The following TMED3 variants were observed in gnomAD, a reference collection of about 807,000 sequenced individuals.
TMED3 encodes transmembrane p24 trafficking protein 3, also known as transmembrane emp24 domain-containing protein 3.
TMED3 carries 9 observed loss-of-function variants against 15.0 expected under a neutral mutation model. The observed-to-expected ratio is 0.60, with a 90% confidence interval of 0.36 to 1.04. The LOEUF (loss-of-function observed/expected upper bound fraction) is 1.04. Among genes scored for constraint, TMED3 ranks in the 50% least tolerant of loss-of-function variants. TMED3 has a pLI of 0.01. For synonymous variants in TMED3, 117 were observed against 121.4 expected (o/e 0.96, Z 0.24); for missense variants, 267 against 278.9 (o/e 0.96, Z 0.30).
chr15:79,348,725 T>A (rs561602965), intron 2 of TMED3, among the ~76,000 whole-genome samples: 1 of 152,358 alleles, frequency 6.6e-6, no homozygotes, highest in Admixed American at 6.5e-5. Context: ...TTGAGGAACC[T>A]TTAAAATGGA....
intron 1 of TMED3, among the ~76,000 whole-genome samples, chr15:79,311,668 C>G (rs2058715160): frequency 6.6e-6 from 1 of 152,158 alleles, no homozygotes; most frequent in African/African-American, 2.4e-5. Context: ...GATGGGGACG[C>G]CAGGGCGGAT....
chr15:79,324,142 C>T (rs572159801), downstream of TMED3, among the ~76,000 whole-genome samples: 18 of 152,250 alleles, frequency 1.2e-4, no homozygotes, highest in Admixed American at 9.8e-4. Context: ...AGGCACCCGC[C>T]ACCACGCCCG....
At chr15:79,316,772 G>A (rs147392590) in intron 2 of TMED3, among the ~76,000 whole-genome samples, 7 of 152,256 alleles carry the variant, frequency 4.6e-5, no homozygotes, top group Non-Finnish European at 7.4e-5. Flanking sequence ...TTAGCAGGGC[G>A]GAAGGTCACA....
At chr15:79,330,610 A>G (rs1372642053) in intron 2 of TMED3, among the ~76,000 whole-genome samples, 1 of 152,186 alleles carries the variant, frequency 6.6e-6, no homozygotes, top group African/African-American at 2.4e-5. Context: ...ATACTACCCA[A>G]AGCAATCTGT....
chr15:79,341,650 C>A (rs1595893714), intron 2 of TMED3, among the ~76,000 whole-genome samples: 1 of 152,264 alleles, frequency 6.6e-6, no homozygotes, highest in East Asian at 1.9e-4. Flanking sequence ...TTCGTTTATT[C>A]CCCTTCCCTG....
At chr15:79,376,866 C>T (rs925945637) in intron 2 of TMED3, among the ~76,000 whole-genome samples, 7 of 152,128 alleles carry the variant, frequency 4.6e-5, no homozygotes, top group Non-Finnish European at 8.8e-5. Context: ...TTTTTGCAGA[C>T]CTCCAAGACT....
chr15:79,350,512 G>A (rs2058887727), intron 2 of TMED3, among the ~76,000 whole-genome samples: 1 of 152,144 alleles, frequency 6.6e-6, no homozygotes, highest in Non-Finnish European at 1.5e-5. Context: ...TTGAGGGCAG[G>A]AAGCATCCAG....
At chr15:79,321,877 A>G (rs915665893) in intron 2 of TMED3, 101 bp from the exon 3 acceptor site, 5 of 1,371,198 alleles carry the variant, frequency 3.6e-6, no homozygotes, top group East Asian at 2.3e-5. Context: ...GTTAGCATTC[A>G]GTGGATATCA....
intron 2 of TMED3, among the ~76,000 whole-genome samples, chr15:79,337,058 A>G (rs868213417): frequency 2.6e-4 from 39 of 152,344 alleles, no homozygotes; most frequent in African/African-American, 8.9e-4. Flanking sequence ...TATTGGATCT[A>G]TCTGCTTTAG....
At chr15:79,409,221 G>C (rs1893940083) in intron 2 of TMED3, among the ~76,000 whole-genome samples, 1 of 152,246 alleles carries the variant, frequency 6.6e-6, no homozygotes, top group African/African-American at 2.4e-5. Context: ...TTTTCTTGAT[G>C]AGCAAAGGTT....
chr15:79,317,999 G>GAGGGCCTCCCCTC (rs1346273542), intron 2 of TMED3, among the ~76,000 whole-genome samples: 1 of 152,148 alleles, frequency 6.6e-6, no homozygotes, highest in Non-Finnish European at 1.5e-5. Context: ...CCTTTACTGT[G>GAGGGCCTCCCCTC]AGCTTCCACC....
intron 2 of TMED3, among the ~76,000 whole-genome samples, chr15:79,332,890 ACCT>A (rs144796781): frequency 0.013 from 1,930 of 152,100 alleles, 16 homozygotes; most frequent in Non-Finnish European, 0.019. Context: ...TTTCAGGCTC[ACCT>A]CCTCTCCAGC....
intron 2 of TMED3, chr15:79,383,183 G>A (rs1005194143): frequency 2.0e-5 from 13 of 665,982 alleles, no homozygotes; most frequent in Middle Eastern, 3.0e-4. Flanking sequence ...TATTGCTTAC[G>A]TGGTAATCAG....
intron 2 of TMED3, among the ~76,000 whole-genome samples, chr15:79,409,045 G>A (rs1893937482): frequency 6.6e-6 from 1 of 152,298 alleles, no homozygotes; most frequent in East Asian, 1.9e-4. Context: ...TTCCATGATT[G>A]CTTTTCTGAA....
At chr15:79,343,818 A>G (rs112481408) in intron 2 of TMED3, among the ~76,000 whole-genome samples, 10 of 152,316 alleles carry the variant, frequency 6.6e-5, no homozygotes, top group African/African-American at 2.2e-4. Flanking sequence ...AGGTAGTCTC[A>G]TTTACTGAGA....
intron 2 of TMED3, among the ~76,000 whole-genome samples, chr15:79,316,459 T>C (rs1260054110): frequency 6.6e-6 from 1 of 152,208 alleles, no homozygotes; most frequent in Non-Finnish European, 1.5e-5. Flanking sequence ...TCTTAAGTGC[T>C]CTGATGCCAG....
At chr15:79,318,863 G>A (rs747650412) in intron 2 of TMED3, among the ~76,000 whole-genome samples, 9 of 152,230 alleles carry the variant, frequency 5.9e-5, no homozygotes, top group Non-Finnish European at 1.3e-4. Context: ...TTTGAAGCCA[G>A]TTGGCTTTGG....
chr15:79,331,983 A>T (rs1033102422), intron 2 of TMED3, among the ~76,000 whole-genome samples: 8 of 152,122 alleles, frequency 5.3e-5, no homozygotes, highest in African/African-American at 1.9e-4. Flanking sequence ...AACCTGGGAG[A>T]CGGAGGCTGC....
chr15:79,340,963 G>A (rs1302114645), intron 2 of TMED3, among the ~76,000 whole-genome samples: 1 of 152,158 alleles, frequency 6.6e-6, no homozygotes, highest in Non-Finnish European at 1.5e-5. Context: ...GGAGGCCAAG[G>A]CAGGAGGATC....
Sources: allele counts gnomAD v4.1 joint callset (sites outside exome capture counted in the v4.1 genomes callset), GRCh38; gene constraint gnomAD v4.1.1; transcripts MANE v1.5; gene names NCBI Gene and HGNC (gene_info 2026-07-23, HGNC 2026-07-21).